The following ARPC5L variants were observed in gnomAD, a reference collection of about 807,000 sequenced individuals.
The protein encoded by ARPC5L is actin related protein 2/3 complex subunit 5 like, also known as actin-related protein 2/3 complex subunit 5-like protein.
ARPC5L carries 4 observed loss-of-function variants against 16.9 expected under a neutral mutation model. The ratio of observed to expected loss-of-function variants is 0.24; its 90% CI spans 0.12 to 0.54. The LOEUF (loss-of-function observed/expected upper bound fraction) is 0.54. Ranked by LOEUF, ARPC5L falls within the 20% of genes least tolerant of loss-of-function variation. The pLI, the probability that ARPC5L is intolerant of heterozygous loss-of-function variation, is 0.95. For synonymous variants in ARPC5L, 78 were observed against 82.6 expected, an observed-to-expected ratio of 0.94 and a Z score of 0.30; for missense variants, 151 against 201.9, an observed-to-expected ratio of 0.75 and a Z score of 1.53.
intron 5 of ARPC5L, 124 bp from the exon 6 acceptor site, chr9:124,876,754 A>C (rs1211046863): frequency 1.3e-6 from 1 of 754,508 alleles, no homozygotes; most frequent in African/African-American, 1.8e-5. Flanking sequence ...CTATCTCAGG[A>C]ATCCTCTTTC....
At chr9:124,869,471 C>G (rs1829323438) in intron 3 of ARPC5L, 32 bp downstream of exon 3, 1 of 1,421,022 alleles carries the variant, frequency 7.0e-7, no homozygotes, top group Non-Finnish European at 9.2e-7. Flanking sequence ...TCCGGGCCTG[C>G]GCGCGGCCTT....
chr9:124,874,820 C>T (rs1829408992), intron 4 of ARPC5L, among the ~76,000 whole-genome samples, 155 bp from the exon 5 acceptor site: 1 of 152,168 alleles, frequency 6.6e-6, no homozygotes, highest in African/African-American at 2.4e-5. Flanking sequence ...AAATTTAAAT[C>T]CACAAAAGAC....
At chr9:124,871,251 C>T (rs1050242684) in intron 3 of ARPC5L, among the ~76,000 whole-genome samples, 3 of 152,146 alleles carry the variant, frequency 2.0e-5, no homozygotes, top group Non-Finnish European at 4.4e-5. Context: ...AGAAGGAACC[C>T]GGCTGTGCAT....
chr9:124,867,657 T>A (rs1464137051), intron 2 of ARPC5L, among the ~76,000 whole-genome samples: 2 of 152,190 alleles, frequency 1.3e-5, no homozygotes, highest in Non-Finnish European at 2.9e-5. Context: ...ATTTCTGGGT[T>A]CAAGTTCCTT....
chr9:124,871,277 A>ACTAC (rs944435927), intron 3 of ARPC5L, among the ~76,000 whole-genome samples: 3 of 152,320 alleles, frequency 2.0e-5, no homozygotes, highest in Admixed American at 2.0e-4. Context: ...CACACCCTGC[A>ACTAC]CTACCATGCT....
intron 2 of ARPC5L, among the ~76,000 whole-genome samples, chr9:124,865,315 T>TAAAA (rs11414499): frequency 2.8e-5 from 3 of 107,042 alleles, no homozygotes; most frequent in Admixed American, 2.3e-4. Flanking sequence ...AAACTCTGTC[T>TAAAA]AAAAAAAAAA....
At chr9:124,865,422 A>C (rs1050337773) in intron 2 of ARPC5L, among the ~76,000 whole-genome samples, 6 of 151,644 alleles carry the variant, frequency 4.0e-5, no homozygotes, top group African/African-American at 1.5e-4. Flanking sequence ...TTCGAACCTG[A>C]AGTCATTTGT....
Position 124,876,870 on chromosome 9 carries a change from C to T in ARPC5L, c.400-8C>T, listed in dbSNP as rs76801047. 1,906 of 1,609,658 alleles carry T rather than the reference C, an allele frequency of 1.2e-3. 25 individuals are homozygous for T. The African/African-American group carries it at 0.022, about 19-fold the overall frequency. On this transcript the variant is annotated splice_polypyrimidine_tract_variant and splice_region_variant and intron_variant, in intron 5 of 5. Coordinates refer to ENST00000353214, the MANE Select transcript of ARPC5L (RefSeq NM_030978.3). ...CATCTGACACGTTTTCTTTTCCTGC[C>T]CCCACAGGCCTTAGCAGTAGGAGGA...
chr9:124,873,521 A>G, intron 3 of ARPC5L, 171 bp from the exon 4 acceptor site: 1 of 681,848 alleles, frequency 1.5e-6, no homozygotes. Flanking sequence ...GGTGCCCTGC[A>G]GCCTCCCTGT....
At chr9:124,865,491 A>C (rs1196412807) in intron 2 of ARPC5L, among the ~76,000 whole-genome samples, 1 of 151,810 alleles carries the variant, frequency 6.6e-6, no homozygotes, top group Non-Finnish European at 1.5e-5. Context: ...TCTACCTTCA[A>C]AATTTACCCA....
intron 3 of ARPC5L, among the ~76,000 whole-genome samples, chr9:124,870,770 ACT>A (rs1829345400): frequency 6.6e-6 from 1 of 151,646 alleles, no homozygotes; most frequent in Non-Finnish European, 1.5e-5. Flanking sequence ...TTGGCCCAGG[ACT>A]CTCATTGAAC....
chr9:124,870,174 G>A (rs1271049989), intron 3 of ARPC5L, among the ~76,000 whole-genome samples: 1 of 152,192 alleles, frequency 6.6e-6, no homozygotes, highest in Non-Finnish European at 1.5e-5. Flanking sequence ...AAAACTAGTA[G>A]TTCAGAGCTA....
Position 124,869,248 on chromosome 9 carries a change from G to C in ARPC5L, c.-43G>C. On this transcript the variant is annotated 5_prime_UTR_variant, in exon 3 of 6. Transcript: ENST00000353214. ...GTGCGAGCGGAGCAGAGCCGAGGTC[G>C]GGCCGCGAGCGGAGCCGGCTGAGCG... 6.7e-7 allele frequency: 1 copy of C among 1,482,792 alleles called. No individual in the cohort carries two copies. Among genetic ancestry groups the C allele is most frequent in the Non-Finnish European group, 8.9e-7 (1 of 1,118,468 alleles). 91.9% of individuals were successfully genotyped at this position (1,482,792 alleles called of 1,614,324 possible). A position where few individuals can be genotyped will look rare whatever the true frequency, so the allele number is the denominator to read the frequency against.
In ARPC5L at chr9:124,877,067, G is replaced by T; in HGVS notation, c.*127G>T. The T allele has an allele frequency of 1.4e-6, 1 of 713,358 alleles. No homozygotes were observed. The highest frequency in any genetic ancestry group is 2.8e-5 in the East Asian group (1 of 35,766). 44.2% of individuals were successfully genotyped at this position (713,358 alleles called of 1,614,324 possible). On this transcript the variant is annotated 3_prime_UTR_variant, in exon 6 of 6. Coordinates refer to ENST00000353214, the MANE Select transcript of ARPC5L (RefSeq NM_030978.3). ...AACTATTTCAGGACATGTATCTGCT[G>T]AAATGTATTTTATTTTCAAGGTGGA...
In ARPC5L at chr9:124,869,316, G is replaced by A; in HGVS notation, c.26G>A (p.Arg9His). 1 of 1,530,598 alleles carries A rather than the reference G, an allele frequency of 6.5e-7. No homozygotes were observed. The highest frequency in any genetic ancestry group is 8.8e-7 in the Non-Finnish European group (1 of 1,138,734). The allele number at this position is 1,530,598 out of a possible 1,614,324, so 94.8% of individuals were successfully genotyped here. A position where few individuals can be genotyped will look rare whatever the true frequency, so the allele number is the denominator to read the frequency against. The change falls in exon 3 of 6, where the codon CGC becomes CAC. Residue 9 changes from arginine (R) to histidine (H), a missense_variant. Transcript: ENST00000353214. The part of the protein sequence containing the change: MARNTLSS[R>H]FRRVDIDEFD... ...ATGGCCCGGAACACGCTGTCCTCGC[G>A]CTTCCGCCGGGTGGACATCGACGAA...
At chr9:124,871,266 G>A (rs1044817245) in intron 3 of ARPC5L, among the ~76,000 whole-genome samples, 3 of 152,174 alleles carry the variant, frequency 2.0e-5, no homozygotes, top group South Asian at 2.1e-4. Context: ...GTGCATCTGC[G>A]CACACCCTGC....
chr9:124,865,383 G>A (rs1487294188), intron 2 of ARPC5L, among the ~76,000 whole-genome samples: 1 of 149,484 alleles, frequency 6.7e-6, no homozygotes, highest in African/African-American at 2.5e-5. Context: ...ATTTTTAAAT[G>A]CTTAGAGTTA....
rs1051271883 is a variant in ARPC5L, at chr9:124,874,870, A to T, written c.223-105A>T. 7.9e-6 allele frequency: 11 copies of T among 1,389,404 alleles called. No homozygotes were observed. In the African/African-American group the frequency reaches 1.6e-4, roughly 20 times the overall value. 86.1% of individuals were successfully genotyped at this position (1,389,404 alleles called of 1,614,324 possible). On this transcript the variant is annotated intron_variant, in intron 4 of 5. Coordinates refer to ENST00000353214, the MANE Select transcript of ARPC5L (RefSeq NM_030978.3). ...ATTTTAACCATCCTGGACGAATTAG[A>T]AACTGGGCAGTGTTTCTGGTGATCT...
intron 1 of ARPC5L, among the ~76,000 whole-genome samples, chr9:124,863,593 A>T (rs1365879057): frequency 6.6e-6 from 1 of 152,216 alleles, no homozygotes; most frequent in Non-Finnish European, 1.5e-5. Context: ...TGAGAATTAG[A>T]GGAGATATCT....
Sources: gnomAD v4.1 joint callset for allele counts (sites outside exome capture counted in the v4.1 genomes callset) on GRCh38, gnomAD v4.1.1 for gene constraint, MANE v1.5 for transcripts, NCBI Gene and HGNC (gene_info 2026-07-23, HGNC 2026-07-21) for gene names.